Variants in PIK3R6 observed in about 807,000 individuals in gnomAD.
PIK3R6 encodes the protein phosphoinositide 3-kinase regulatory subunit 6.
PIK3R6 carries 91 observed loss-of-function variants against 84.9 expected under a neutral mutation model. The observed-to-expected ratio is 1.07, with a 90% CI of 0.90 to 1.28. The LOEUF (loss-of-function observed/expected upper bound fraction) is 1.28. Ranked by LOEUF, PIK3R6 falls within the 50% of genes most tolerant of loss-of-function variation. The pLI is 0.00. For missense variants in PIK3R6, 996 were observed against 985.1 expected (o/e 1.01, Z -0.15); for synonymous variants, 416 against 411.4 (o/e 1.01, Z -0.13).
chr17:8,828,030 TG>T (rs1239024121), intron 12 of PIK3R6, 81 bp downstream of exon 12: 19 of 1,404,708 alleles, frequency 1.4e-5, no homozygotes, highest in Non-Finnish European at 1.7e-5. Context: ...GCCGGGGATG[TG>T]GGGGATGCGG....
At chr17:8,838,777 C>CCCGCCA in intron 3 of PIK3R6, 122 bp from the exon 4 acceptor site, 1 of 892,536 alleles carries the variant, frequency 1.1e-6, no homozygotes, top group Non-Finnish European at 1.7e-6. Context: ...CGGGTGTGAC[C>CCCGCCA]CCGCCACCAG....
chr17:8,845,204 G>C (rs2088788076), intron 2 of PIK3R6, among the ~76,000 whole-genome samples: 1 of 152,152 alleles, frequency 6.6e-6, no homozygotes, highest in Non-Finnish European at 1.5e-5. Flanking sequence ...TGGGATTGCT[G>C]GGTCGAATGG....
In PIK3R6 at chr17:8,804,988, G is replaced by A. The variant is rs376957787; in HGVS notation, c.1996-835C>T. 8.5e-5 allele frequency among the ~76,000 whole-genome samples: 13 copies of A among 152,314 alleles called. No individual in the cohort carries two copies. In the South Asian group the frequency reaches 2.7e-3, roughly 32 times the overall value. The stretch of plus-strand genomic sequence containing the variant: ...AGCTCCTGAGTGTAGGCAGGGCTGA[G>A]AACAGCCACTGAGTTGTTCAGTGTC... On this transcript the variant is annotated intron_variant, in intron 18 of 19. Coordinates refer to ENST00000619866, the MANE Select transcript of PIK3R6 (RefSeq NM_001010855.4).
chr17:8,861,695 C>A (rs2151320400), intron 1 of PIK3R6, among the ~76,000 whole-genome samples: 1 of 152,212 alleles, frequency 6.6e-6, no homozygotes, highest in East Asian at 1.9e-4. Flanking sequence ...TCAAGTCACC[C>A]TTATTTTACT....
At position 8,848,445 on chromosome 17, in the gene PIK3R6, A is replaced by G. The variant is rs116848473; in HGVS notation, c.13+1337T>C. 1.8e-3 allele frequency among the ~76,000 whole-genome samples: 276 copies of G among 152,254 alleles called. 6 individuals are homozygous for G. The East Asian group carries it at 0.049, about 27-fold the overall frequency. On this transcript the variant is annotated intron_variant, in intron 2 of 19. Transcript: ENST00000619866. ...TTTCATCATTGTATGAATATCACAG[A>G]GTGCACTTACACAAACCTACACAGC...
chr17:8,856,010 C>T (rs1443012760), intron 1 of PIK3R6, among the ~76,000 whole-genome samples: 2 of 152,186 alleles, frequency 1.3e-5, no homozygotes, highest in African/African-American at 2.4e-5. Context: ...AAGAGAACTA[C>T]GTGCAACGAC....
intron 1 of PIK3R6, among the ~76,000 whole-genome samples, chr17:8,855,772 T>C (rs962731598): frequency 6.6e-6 from 1 of 152,186 alleles, no homozygotes; most frequent in Non-Finnish European, 1.5e-5. Flanking sequence ...TGGAAAACAG[T>C]TTGACAATTT....
chr17:8,835,509 G>C, intron 7 of PIK3R6, 53 bp from the exon 8 acceptor site: 2 of 1,453,010 alleles, frequency 1.4e-6, no homozygotes, highest in Non-Finnish European at 9.3e-7. Context: ...TAATGGGAGA[G>C]GGGCCACCGG....
intron 2 of PIK3R6, among the ~76,000 whole-genome samples, chr17:8,846,507 G>T (rs2088818374): frequency 6.6e-6 from 1 of 152,086 alleles, no homozygotes; most frequent in Admixed American, 6.6e-5. Flanking sequence ...AAATGACATT[G>T]GTAGTTTGAT....
At position 8,827,305 on chromosome 17, in the gene PIK3R6, G is replaced by C. The variant is rs946869679; in HGVS notation, c.1393-11C>G. The C allele has an allele frequency of 4.5e-6, 7 of 1,550,264 alleles. No individual in the cohort carries two copies. In the Middle Eastern group the frequency reaches 5.0e-4, roughly 111 times the overall value. ...GGATGCTGCAGGCTTCTGGGGGAAA[G>C]GGGATGGGGCAGACCCGTCAGGCCC... On this transcript the variant is annotated splice_polypyrimidine_tract_variant and intron_variant, in intron 12 of 19. Transcript: ENST00000619866.
chr17:8,807,408 T>C (rs1334558798), intron 18 of PIK3R6, among the ~76,000 whole-genome samples: 2 of 152,120 alleles, frequency 1.3e-5, no homozygotes, highest in Non-Finnish European at 2.9e-5. Context: ...CCATTTATAG[T>C]GTCACAAATG....
In PIK3R6 at chr17:8,850,901, G is replaced by T. The variant is rs936516277; in HGVS notation, c.-91-1016C>A. Among the ~76,000 whole-genome samples the T allele has an allele frequency of 8.5e-5, 13 of 152,302 alleles. No individual in the cohort carries two copies. In the East Asian group the frequency reaches 2.3e-3, roughly 27 times the overall value. On this transcript the variant is annotated intron_variant, in intron 1 of 19. Coordinates refer to ENST00000619866, the MANE Select transcript of PIK3R6 (RefSeq NM_001010855.4). ...AGGCTCTAGAAGAGTTAGAAAAACTGCTTATATTTGTAACCAGTGAGGAAA... is the reference window on the plus strand; with the variant it reads ...AGGCTCTAGAAGAGTTAGAAAAACTTCTTATATTTGTAACCAGTGAGGAAA...
intron 18 of PIK3R6, among the ~76,000 whole-genome samples, chr17:8,811,550 A>G (rs1284186712): frequency 6.7e-6 from 1 of 148,322 alleles, no homozygotes; most frequent in Non-Finnish European, 1.5e-5. Context: ...GAATGCCTTT[A>G]ACAGCACCCA....
intron 2 of PIK3R6, among the ~76,000 whole-genome samples, chr17:8,840,270 ATG>A (rs1275497034): frequency 1.4e-5 from 2 of 146,938 alleles, no homozygotes; most frequent in African/African-American, 5.1e-5. Flanking sequence ...GCCTACAAAT[ATG>A]TATATGAAAT....
chr17:8,815,079 C>A (rs1476194902), intron 18 of PIK3R6, among the ~76,000 whole-genome samples: 1 of 152,206 alleles, frequency 6.6e-6, no homozygotes, highest in Non-Finnish European at 1.5e-5. Context: ...ACAAACCTCT[C>A]TCAGTTTTGG....
At chr17:8,829,486 G>T (rs901619804) in intron 10 of PIK3R6, among the ~76,000 whole-genome samples, 1 of 98,604 alleles carries the variant, frequency 1.0e-5, no homozygotes, top group Non-Finnish European at 2.0e-5. Context: ...ACTCATGCAC[G>T]CATACACACA....
rs1487598773 is a variant in PIK3R6, at chr17:8,830,756, T to C, written c.803-964A>G. ...CCAGGCAGCTCAGCTCCAGAGTTCC[T>C]GCTCTTACCCACAACACTGTGCTTA... is the stretch of plus-strand genomic sequence containing the variant. On this transcript the variant is annotated intron_variant, in intron 9 of 19. Transcript: ENST00000619866. 2.0e-5 allele frequency among the ~76,000 whole-genome samples: 3 copies of C among 152,204 alleles called. No homozygotes were observed. The East Asian group carries it at 5.8e-4, about 29-fold the overall frequency.
At chr17:8,815,250 G>A (rs2087493931) in intron 18 of PIK3R6, among the ~76,000 whole-genome samples, 1 of 152,104 alleles carries the variant, frequency 6.6e-6, no homozygotes, top group Non-Finnish European at 1.5e-5. Flanking sequence ...ATTCACTCCT[G>A]TAATCCCAGC....
At chr17:8,818,205 C>T (rs765660588) in intron 18 of PIK3R6, among the ~76,000 whole-genome samples, 8 of 152,112 alleles carry the variant, frequency 5.3e-5, no homozygotes, top group Non-Finnish European at 8.8e-5. Context: ...TAAATCGGTG[C>T]GTAAGCCTGC....
Sources: allele counts gnomAD v4.1 joint callset (sites outside exome capture counted in the v4.1 genomes callset), GRCh38; gene constraint gnomAD v4.1.1; transcripts MANE v1.5; gene names NCBI Gene and HGNC (gene_info 2026-07-23, HGNC 2026-07-21).